JCAD: variants seen among roughly 807,000 people sequenced by gnomAD.
JCAD encodes the protein junctional cadherin 5 associated, also known as junctional cadherin 5-associated protein.
In JCAD, 40 loss-of-function variants were observed where a neutral mutation model predicts 98.0. The observed-to-expected ratio is 0.41, with a 90% confidence interval of 0.32 to 0.53. The LOEUF is 0.53. JCAD is among the 20% of genes least tolerant of loss of function. The pLI is 0.31. For missense variants in JCAD, 1,705 were observed against 1,738.1 expected (o/e 0.98, Z 0.34); for synonymous variants, 691 against 682.3 (o/e 1.01, Z -0.20).
chr10:30,058,752 T>A (rs1283160004), intron 1 of JCAD, among the ~76,000 whole-genome samples: 1 of 151,910 alleles, frequency 6.6e-6, no homozygotes, highest in Non-Finnish European at 1.5e-5. Context: ...GGGTTCCAGA[T>A]CCCATAAATG....
At chr10:30,036,450 C>CAA (rs60084989) in intron 2 of JCAD, among the ~76,000 whole-genome samples, 14 of 119,436 alleles carry the variant, frequency 1.2e-4, no homozygotes, top group African/African-American at 3.6e-4. Flanking sequence ...GACTCCGTCT[C>CAA]AAAAAAAAAA....
intron 1 of JCAD, among the ~76,000 whole-genome samples, chr10:30,070,649 T>G (rs903089749): frequency 2.0e-5 from 3 of 152,248 alleles, no homozygotes; most frequent in Non-Finnish European, 2.9e-5. Context: ...TGGTCACAGA[T>G]GTAGCATTAA....
intron 1 of JCAD, among the ~76,000 whole-genome samples, chr10:30,055,830 GAAAGAA>G (rs1220026079): frequency 1.3e-5 from 2 of 152,160 alleles, no homozygotes; most frequent in African/African-American, 4.8e-5. Flanking sequence ...CAAAAAAAGA[GAAAGAA>G]AAAGAAAAAA....
At chr10:30,025,464 GC>G (rs2132609630) in intron 3 of JCAD, among the ~76,000 whole-genome samples, 1 of 149,162 alleles carries the variant, frequency 6.7e-6, no homozygotes, top group South Asian at 2.2e-4. Context: ...GTTGCAGTGA[GC>G]CGAGATCGTG....
At chr10:30,043,483 A>T (rs1306560644) in intron 2 of JCAD, among the ~76,000 whole-genome samples, 1 of 152,208 alleles carries the variant, frequency 6.6e-6, no homozygotes, top group Non-Finnish European at 1.5e-5. Context: ...GATGATGGAT[A>T]ATCCTGCCTT....
chr10:30,076,044 G>A (rs1837975229), intron 1 of JCAD, among the ~76,000 whole-genome samples: 1 of 150,280 alleles, frequency 6.7e-6, no homozygotes, highest in Non-Finnish European at 1.5e-5. Flanking sequence ...TTTTTTTTGA[G>A]ACAGAGTCTC....
intron 2 of JCAD, among the ~76,000 whole-genome samples, chr10:30,040,757 A>T (rs1357596349): frequency 6.6e-6 from 1 of 152,080 alleles, no homozygotes; most frequent in East Asian, 1.9e-4. Flanking sequence ...CACCAGTGAC[A>T]CCCCCAGTCC....
rs1351177916 is a variant in JCAD at position 30,047,859 on chromosome 10, G to T, written c.-47C>A. On this transcript the variant is annotated 5_prime_UTR_variant, in exon 2 of 4. It introduces an in-frame stop codon into an upstream open reading frame of the 5' UTR. Coordinates refer to ENST00000375377, the MANE Select transcript of JCAD (RefSeq NM_020848.4). ...CTCAACCACTGGAACCATGGTGGTGGCAGGACCCAGCACTGCAGGACAACA... is the reference window on the plus strand; with the variant it reads ...CTCAACCACTGGAACCATGGTGGTGTCAGGACCCAGCACTGCAGGACAACA... The T allele has an allele frequency of 1.3e-6, 2 of 1,557,554 alleles. No homozygotes were observed. Among genetic ancestry groups the T allele is most frequent in the Non-Finnish European group, 1.7e-6 (2 of 1,149,606 alleles).
intron 2 of JCAD, among the ~76,000 whole-genome samples, chr10:30,038,435 G>A (rs1837165898): frequency 6.6e-6 from 1 of 152,086 alleles, no homozygotes. Context: ...TGTAATCCCA[G>A]CACTTTGAGA....
At chr10:30,097,951 A>G (rs1838403105) in intron 1 of JCAD, among the ~76,000 whole-genome samples, 1 of 152,064 alleles carries the variant, frequency 6.6e-6, no homozygotes, top group South Asian at 2.1e-4. Context: ...TCAACCACAG[A>G]GGCTCCAGGA....
At chr10:30,046,440 T>G (rs1053684207) in intron 2 of JCAD, among the ~76,000 whole-genome samples, 2 of 152,170 alleles carry the variant, frequency 1.3e-5, no homozygotes, top group South Asian at 4.1e-4. Context: ...AAGGAAAAGA[T>G]AGGTCAGAAG....
intron 1 of JCAD, among the ~76,000 whole-genome samples, chr10:30,075,609 C>T (rs938983107): frequency 3.9e-5 from 6 of 152,108 alleles, no homozygotes; most frequent in Admixed American, 1.3e-4. Context: ...GGAAGCTACG[C>T]GGAATACAAA....
chr10:30,030,927 C>T (rs1836976857), intron 2 of JCAD, among the ~76,000 whole-genome samples: 1 of 149,678 alleles, frequency 6.7e-6, no homozygotes, highest in South Asian at 2.1e-4. Flanking sequence ...ATCAGGCATC[C>T]GAGACTCTCC....
chr10:30,073,648 T>TCCTC (rs1314636085), intron 1 of JCAD, among the ~76,000 whole-genome samples: 2 of 25,294 alleles, frequency 7.9e-5, no homozygotes, highest in Non-Finnish European at 2.0e-4. Context: ...AGCAAGATTG[T>TCCTC]CCTTCCTTCC....
At chr10:30,051,272 G>GCACA (rs1449006866) in intron 1 of JCAD, among the ~76,000 whole-genome samples, 5 of 121,718 alleles carry the variant, frequency 4.1e-5, no homozygotes, top group Non-Finnish European at 7.2e-5. Context: ...ACACACGCAC[G>GCACA]CACACACGCA....
At position 30,027,458 on chromosome 10, in the gene JCAD, C is replaced by G; in HGVS notation, c.2690G>C (p.Trp897Ser). 1 of 1,605,278 alleles carries G rather than the reference C, an allele frequency of 6.2e-7. No individual in the cohort carries two copies. Among genetic ancestry groups the G allele is most frequent in the Non-Finnish European group, 8.5e-7 (1 of 1,179,988 alleles). The change falls in exon 3 of 4, where the codon TGG becomes TCG. Residue 897 changes from tryptophan to serine, a missense_variant. By Grantham distance (177) the Trp-to-Ser change is radical (BLOSUM62 -3). Around this residue, in one of 3 missense-constraint regions of JCAD, gnomAD observed 1,278 missense variants for 1,243.1 expected, o/e 1.03. Coordinates refer to ENST00000375377, the MANE Select transcript of JCAD (RefSeq NM_020848.4). ...CCTACACACAGGGCTCTCCGGCACC[C>G]ACATCCTCGGCTGTGGCTCAACCCT... is the stretch of plus-strand genomic sequence containing the variant. The part of the protein sequence containing the change: ...EMRVEPQPRM[W>S]VPESPVCRSG...
At chr10:30,050,789 C>T (rs1837452114) in intron 1 of JCAD, among the ~76,000 whole-genome samples, 1 of 152,206 alleles carries the variant, frequency 6.6e-6, no homozygotes, top group Non-Finnish European at 1.5e-5. Flanking sequence ...TCTTCCTCTA[C>T]CAACTCCAAG....
At chr10:30,045,165 G>A (rs1837310187) in intron 2 of JCAD, among the ~76,000 whole-genome samples, 1 of 151,994 alleles carries the variant, frequency 6.6e-6, no homozygotes, top group South Asian at 2.1e-4. Flanking sequence ...ACCACACAAG[G>A]GGCTAGAAAG....
chr10:30,099,851 A>G (rs1838439619), intron 1 of JCAD, among the ~76,000 whole-genome samples: 1 of 152,044 alleles, frequency 6.6e-6, no homozygotes, highest in Admixed American at 6.6e-5. Flanking sequence ...ACTCATTTCA[A>G]TCACTTGCTC....
Sources: allele counts gnomAD v4.1 joint callset (sites outside exome capture counted in the v4.1 genomes callset), GRCh38; gene constraint gnomAD v4.1.1; regional missense constraint gnomAD v4.1.1; transcripts MANE v1.5; gene names NCBI Gene and HGNC (gene_info 2026-07-23, HGNC 2026-07-21).